Variants in SLC9A4 observed in about 807,000 individuals in gnomAD.
SLC9A4 encodes sodium/hydrogen exchanger 4.
In SLC9A4, 63 loss-of-function variants were observed where a neutral mutation model predicts 67.4. That is an observed-to-expected ratio of 0.93 (90% CI 0.76 to 1.15). SLC9A4 has a LOEUF of 1.15. Among genes scored for constraint, SLC9A4 ranks in the 50% most tolerant of loss-of-function variants. SLC9A4 has a pLI of 0.00. For missense variants in SLC9A4, 1,089 were observed against 987.7 expected, an observed-to-expected ratio of 1.10 and a Z score of -1.38; for synonymous variants, 393 against 367.2, an observed-to-expected ratio of 1.07 and a Z score of -0.80.
chr2:102,486,372 T>A (rs1684589701), intron 2 of SLC9A4, among the ~76,000 whole-genome samples: 1 of 152,222 alleles, frequency 6.6e-6, no homozygotes. Flanking sequence ...TCCACCTGCA[T>A]GAGTACGTCT....
At chr2:102,516,248 G>A (rs541051481) in intron 8 of SLC9A4, among the ~76,000 whole-genome samples, 2 of 152,162 alleles carry the variant, frequency 1.3e-5, no homozygotes, top group African/African-American at 4.8e-5. Flanking sequence ...CAGCCTTATA[G>A]GTACGAGATA....
chr2:102,500,021 C>T (rs921071599), intron 2 of SLC9A4, among the ~76,000 whole-genome samples: 2 of 152,134 alleles, frequency 1.3e-5, no homozygotes, highest in Non-Finnish European at 2.9e-5. Flanking sequence ...AATAGTGTCC[C>T]CTCAAAAATC....
At chr2:102,521,270 C>T (rs558636741) in intron 9 of SLC9A4, among the ~76,000 whole-genome samples, 1 of 152,264 alleles carries the variant, frequency 6.6e-6, no homozygotes, top group South Asian at 2.1e-4. Context: ...ACTGCTCATC[C>T]TTTCTTTTCT....
chr2:102,507,649 C>T (rs529136285), intron 4 of SLC9A4, among the ~76,000 whole-genome samples: 3 of 152,088 alleles, frequency 2.0e-5, no homozygotes, highest in Non-Finnish European at 4.4e-5. Context: ...TTTTAAATTA[C>T]AGACCTCCTT....
At chr2:102,499,864 T>C (rs1167398454) in intron 2 of SLC9A4, among the ~76,000 whole-genome samples, 1 of 152,184 alleles carries the variant, frequency 6.6e-6, no homozygotes, top group Admixed American at 6.5e-5. Flanking sequence ...ATTGAACCAT[T>C]TGGGGAATAA....
rs60883579 is a variant in SLC9A4, at chr2:102,514,138, G to A, written c.1608G>A (p.Lys536=). ...HRYLRKILIR[K]NLPKSSIVSL... is the part of the protein sequence containing the mutation. ...ACTTACGGAAAATCCTCATCAGAAAGAACCTACCCAAATCAAGCATTGTTT... is the reference window on the plus strand; with the variant it reads ...ACTTACGGAAAATCCTCATCAGAAAAAACCTACCCAAATCAAGCATTGTTT... Residue 536 remains lysine (K), a synonymous_variant, in exon 8 of 12, where the codon AAG becomes AAA. Transcript: ENST00000295269. 6.6e-3 allele frequency: 10,595 copies of A among 1,613,924 alleles called. 464 individuals are homozygous for A. The East Asian group carries it at 0.12, about 18-fold the overall frequency.
chr2:102,506,486 T>C (rs567716875), intron 4 of SLC9A4, among the ~76,000 whole-genome samples: 1 of 152,318 alleles, frequency 6.6e-6, no homozygotes, highest in East Asian at 1.9e-4. Flanking sequence ...TAACTCTGAA[T>C]ATATATGTTT....
intron 2 of SLC9A4, among the ~76,000 whole-genome samples, chr2:102,500,288 G>T (rs1684897659): frequency 6.6e-6 from 1 of 152,140 alleles, no homozygotes; most frequent in Non-Finnish European, 1.5e-5. Context: ...CTCATAAGAG[G>T]CAAGGAAGGG....
At chr2:102,529,449 T>G (rs1425526491) in intron 11 of SLC9A4, among the ~76,000 whole-genome samples, 1 of 152,234 alleles carries the variant, frequency 6.6e-6, no homozygotes, top group Non-Finnish European at 1.5e-5. Flanking sequence ...TCATGGAAAC[T>G]TATGCCTATT....
In SLC9A4 at chr2:102,532,899, A is replaced by G; in HGVS notation, c.*211A>G. 1 of 492,784 alleles carries G rather than the reference A, an allele frequency of 2.0e-6. No individual in the cohort carries two copies. Among genetic ancestry groups the G allele is most frequent in the East Asian group, 3.3e-5 (1 of 30,686 alleles). 30.5% of individuals were successfully genotyped at this position (492,784 alleles called of 1,614,324 possible). A position where few individuals can be genotyped will look rare whatever the true frequency, so the allele number is the denominator to read the frequency against. Reference sequence around the variant, plus strand: ...TGTACTTATTGTGGGGTACCTTTAGATGAATTCCCTGTGAGTGAGAGAAGT... The same window carrying G: ...TGTACTTATTGTGGGGTACCTTTAGGTGAATTCCCTGTGAGTGAGAGAAGT... On this transcript the variant is annotated 3_prime_UTR_variant, in exon 12 of 12. Coordinates refer to ENST00000295269, the MANE Select transcript of SLC9A4 (RefSeq NM_001011552.4).
chr2:102,520,845 C>A (rs986848408), intron 9 of SLC9A4, among the ~76,000 whole-genome samples: 4 of 152,118 alleles, frequency 2.6e-5, no homozygotes, highest in African/African-American at 9.7e-5. Context: ...TTCTACCCAC[C>A]CACCCAGTGC....
intron 1 of SLC9A4, among the ~76,000 whole-genome samples, chr2:102,478,422 T>G (rs1287283518): frequency 6.6e-6 from 1 of 152,204 alleles, no homozygotes; most frequent in Non-Finnish European, 1.5e-5. Flanking sequence ...GTGTATGTGT[T>G]TGGTGAAGAG....
intron 11 of SLC9A4, among the ~76,000 whole-genome samples, chr2:102,527,902 G>A (rs1468644508): frequency 6.6e-6 from 1 of 151,984 alleles, no homozygotes; most frequent in Non-Finnish European, 1.5e-5. Flanking sequence ...GCCTTTGCTC[G>A]TTTTTTGTTT....
intron 9 of SLC9A4, 70 bp downstream of exon 9, chr2:102,520,025 T>C: frequency 7.4e-7 from 1 of 1,343,496 alleles, no homozygotes; most frequent in Non-Finnish European, 1.1e-6. Flanking sequence ...GGGAGTCTGT[T>C]GATGTTCAAG....
At chr2:102,506,502 G>C (rs1685053026) in intron 4 of SLC9A4, among the ~76,000 whole-genome samples, 1 of 152,130 alleles carries the variant, frequency 6.6e-6, no homozygotes, top group Non-Finnish European at 1.5e-5. Context: ...TGTTTGTTGG[G>C]CTCCTTGGGG....
intron 3 of SLC9A4, among the ~76,000 whole-genome samples, chr2:102,505,041 C>A (rs1405902238): frequency 1.3e-5 from 2 of 152,058 alleles, no homozygotes; most frequent in African/African-American, 2.4e-5. Flanking sequence ...CCCACCTTCC[C>A]ACCACATTCA....
intron 2 of SLC9A4, among the ~76,000 whole-genome samples, chr2:102,493,525 C>G (rs1001067362): frequency 4.0e-5 from 6 of 151,742 alleles, no homozygotes; most frequent in African/African-American, 1.5e-4. Flanking sequence ...TGAGAACTCA[C>G]TCACTATCAT....
chr2:102,531,426 A>G (rs568219184), intron 11 of SLC9A4, among the ~76,000 whole-genome samples: 2 of 152,182 alleles, frequency 1.3e-5, no homozygotes, highest in Non-Finnish European at 2.9e-5. Flanking sequence ...AAGAGGGGAC[A>G]TTGCATAGAC....
intron 10 of SLC9A4, among the ~76,000 whole-genome samples, chr2:102,525,558 T>C (rs964206719): frequency 5.3e-5 from 8 of 151,816 alleles, no homozygotes; most frequent in Admixed American, 1.3e-4. Flanking sequence ...CAAGAAGGTA[T>C]AGGAAGGGAT....
Sources: gnomAD v4.1 joint callset for allele counts (sites outside exome capture counted in the v4.1 genomes callset) on GRCh38, gnomAD v4.1.1 for gene constraint, MANE v1.5 for transcripts, NCBI Gene and HGNC (gene_info 2026-07-23, HGNC 2026-07-21) for gene names.